SLC35F4: variants seen among roughly 807,000 people sequenced by gnomAD.
The protein encoded by SLC35F4 is solute carrier family 35 member F4, also known as chromosome 14 open reading frame 36.
Under a neutral mutation model 44.2 loss-of-function variants are expected in SLC35F4, and 24 were observed. The observed-to-expected ratio is 0.54, with a 90% CI of 0.39 to 0.76. SLC35F4 has a LOEUF of 0.76. Among genes scored for constraint, SLC35F4 ranks in the 30% least tolerant of loss-of-function variants. SLC35F4 has a pLI of 0.00. For missense variants in SLC35F4, 562 were observed against 586.1 expected, an observed-to-expected ratio of 0.96 and a Z score of 0.42; for synonymous variants, 238 against 223.6, an observed-to-expected ratio of 1.06 and a Z score of -0.57.
chr14:57,779,640 T>A (rs1006620936), intron 1 of SLC35F4, among the ~76,000 whole-genome samples: 1 of 152,124 alleles, frequency 6.6e-6, no homozygotes, highest in Non-Finnish European at 1.5e-5. Context: ...AAAAATGAAC[T>A]TCAGGCCAAT....
chr14:57,925,468 G>A (rs1233562839), intron 1 of SLC35F4, among the ~76,000 whole-genome samples: 1 of 120,908 alleles, frequency 8.3e-6, no homozygotes, highest in African/African-American at 3.1e-5. Flanking sequence ...CCTAAGAAAT[G>A]GGAAGGAAAG....
At chr14:57,605,779 C>T (rs1193109450) in intron 1 of SLC35F4, among the ~76,000 whole-genome samples, 1 of 151,312 alleles carries the variant, frequency 6.6e-6, no homozygotes, top group Non-Finnish European at 1.5e-5. Flanking sequence ...ATTATACAGC[C>T]ACAAAAGAGA....
intron 1 of SLC35F4, among the ~76,000 whole-genome samples, chr14:57,714,820 C>T (rs1346623520): frequency 1.3e-5 from 2 of 152,212 alleles, no homozygotes; most frequent in Admixed American, 6.5e-5. Flanking sequence ...GGACGATCTA[C>T]ACCACAGGTG....
In SLC35F4 at chr14:57,574,884, G is replaced by A. The variant is rs1233403391; in HGVS notation, c.808-2865C>T. ...CAGAATCAATCAGTCATCAAAGAGG[G>A]ATTAATACTCTGTTCTTCTCAACAG... On this transcript the variant is annotated intron_variant, in intron 4 of 7. Coordinates refer to ENST00000556826, the MANE Select transcript of SLC35F4 (RefSeq NM_001306087.2). 2.1e-5 allele frequency among the ~76,000 whole-genome samples: 3 copies of A among 145,598 alleles called. No homozygotes were observed. The East Asian group carries it at 7.1e-4, about 35-fold the overall frequency.
chr14:57,956,072 G>A (rs1890231829), intron 1 of SLC35F4, among the ~76,000 whole-genome samples: 1 of 152,114 alleles, frequency 6.6e-6, no homozygotes, highest in South Asian at 2.1e-4. Context: ...AAAACAGCAT[G>A]GTACTGGTAC....
At chr14:57,679,559 C>G (rs1393619074) in intron 1 of SLC35F4, among the ~76,000 whole-genome samples, 1 of 151,862 alleles carries the variant, frequency 6.6e-6, no homozygotes, top group Non-Finnish European at 1.5e-5. Context: ...ACACAAAAGA[C>G]CCTTCAAAAA....
At chr14:57,786,215 C>G (rs1004857181) in intron 1 of SLC35F4, among the ~76,000 whole-genome samples, 1 of 152,104 alleles carries the variant, frequency 6.6e-6, no homozygotes, top group Non-Finnish European at 1.5e-5. Context: ...TACACAACTG[C>G]GGTGACTTAG....
At chr14:57,857,041 C>T (rs769194716) in intron 1 of SLC35F4, among the ~76,000 whole-genome samples, 7 of 151,980 alleles carry the variant, frequency 4.6e-5, no homozygotes, top group Admixed American at 1.3e-4. Context: ...TTTGGAAAGA[C>T]GAGGCGGGTG....
intron 1 of SLC35F4, among the ~76,000 whole-genome samples, chr14:57,959,686 T>C (rs1890306335): frequency 1.3e-5 from 2 of 152,130 alleles, no homozygotes; most frequent in African/African-American, 2.4e-5. Context: ...GACAAGTGAT[T>C]TATCTTCCAT....
Position 57,587,066 on chromosome 14 carries a change from G to A in SLC35F4, c.587+2150C>T, listed in dbSNP as rs528744713. Among the ~76,000 whole-genome samples, 6 of 152,164 alleles carry A rather than the reference G, an allele frequency of 3.9e-5. No homozygotes were observed. In the East Asian group the frequency reaches 5.8e-4, roughly 15 times the overall value. On this transcript the variant is annotated intron_variant, in intron 3 of 7. Transcript: ENST00000556826. ...TTAGAGAAATGCAAATCAAAACCAC[G>A]GTAACATACCATCTCAGGCCAGTTA... is the stretch of plus-strand genomic sequence containing the variant.
intron 1 of SLC35F4, among the ~76,000 whole-genome samples, chr14:57,748,116 T>C (rs554096256): frequency 4.2e-4 from 64 of 152,324 alleles, no homozygotes; most frequent in African/African-American, 1.5e-3. Context: ...GAAAACATCA[T>C]AGAAATCTAA....
intron 1 of SLC35F4, among the ~76,000 whole-genome samples, chr14:57,937,470 G>C (rs1889818601): frequency 6.6e-6 from 1 of 151,306 alleles, no homozygotes; most frequent in African/African-American, 2.4e-5. Context: ...TGGAAAGTCA[G>C]GAGATAAAGA....
intron 1 of SLC35F4, among the ~76,000 whole-genome samples, chr14:57,898,898 G>C (rs1888941511): frequency 6.6e-6 from 1 of 152,146 alleles, no homozygotes; most frequent in Non-Finnish European, 1.5e-5. Flanking sequence ...GTTTGGAAAG[G>C]GGTTGGAGTC....
At chr14:57,785,008 C>T (rs772246975) in intron 1 of SLC35F4, among the ~76,000 whole-genome samples, 1 of 152,150 alleles carries the variant, frequency 6.6e-6, no homozygotes, top group African/African-American at 2.4e-5. Flanking sequence ...ATAACATATA[C>T]ATTTTATGTT....
At chr14:57,776,765 C>T (rs895087048) in intron 1 of SLC35F4, among the ~76,000 whole-genome samples, 1 of 151,028 alleles carries the variant, frequency 6.6e-6, no homozygotes. Context: ...TCAGCAGAAA[C>T]TCTATAAGCC....
chr14:57,727,494 C>CT (rs562362000), intron 1 of SLC35F4, among the ~76,000 whole-genome samples: 7,185 of 144,942 alleles, frequency 0.05, 230 homozygotes, highest in South Asian at 0.091. Context: ...TTATTTTTAG[C>CT]TTTTTTTTTT....
At chr14:57,734,786 C>A (rs2076424617) in intron 1 of SLC35F4, among the ~76,000 whole-genome samples, 1 of 152,160 alleles carries the variant, frequency 6.6e-6, no homozygotes, top group African/African-American at 2.4e-5. Context: ...ATTACTCTTT[C>A]TCTCACTAGC....
intron 1 of SLC35F4, chr14:57,629,922 G>A (rs867545023): frequency 8.3e-6 from 4 of 479,064 alleles, no homozygotes; most frequent in East Asian, 5.5e-5. Flanking sequence ...TACCAGTATC[G>A]CTGAACACAT....
intron 1 of SLC35F4, among the ~76,000 whole-genome samples, chr14:57,616,205 A>G (rs1044633488): frequency 6.6e-6 from 1 of 152,242 alleles, no homozygotes; most frequent in East Asian, 1.9e-4. Flanking sequence ...CTTCATACCT[A>G]TTCTCTTATT....
Sources: allele counts gnomAD v4.1 joint callset (sites outside exome capture counted in the v4.1 genomes callset), GRCh38; gene constraint gnomAD v4.1.1; transcripts MANE v1.5; gene names NCBI Gene and HGNC (gene_info 2026-07-23, HGNC 2026-07-21).